PTPN21: variants seen among roughly 807,000 people sequenced by gnomAD.
The protein encoded by PTPN21 is tyrosine-protein phosphatase non-receptor type 21.
In PTPN21, 77 loss-of-function variants were observed where a neutral mutation model predicts 131.8. The observed-to-expected ratio is 0.58, with a 90% confidence interval of 0.49 to 0.71. The LOEUF is 0.71. PTPN21 is among the 30% of genes least tolerant of loss of function. The pLI, the probability that PTPN21 is intolerant of heterozygous loss-of-function variation, is 0.00. For synonymous variants in PTPN21, 715 were observed against 621.3 expected (o/e 1.15, Z -2.24); for missense variants, 1,552 against 1,527.1 (o/e 1.02, Z -0.27).
At chr14:88,503,621 T>C (rs2078045430) in intron 6 of PTPN21, among the ~76,000 whole-genome samples, 1 of 152,176 alleles carries the variant, frequency 6.6e-6, no homozygotes, top group Non-Finnish European at 1.5e-5. Flanking sequence ...ATTACAGGCT[T>C]TGTGTTAGAT....
Position 88,468,921 on chromosome 14 carries a change from T to C in PTPN21, c.3391A>G (p.Asn1131Asp), listed in dbSNP as rs2077408952. Reference protein sequence around the residue: ...SEIMIACLEHNEVLDIPRVLD... With the variant: ...SEIMIACLEHDEVLDIPRVLD... ...GTGATCATAAGCGCCATCACCTCATTGTGTTCCAGGCAGGCGATCATGATC... is the reference window on the plus strand; with the variant it reads ...GTGATCATAAGCGCCATCACCTCATCGTGTTCCAGGCAGGCGATCATGATC... Residue 1131 changes from asparagine to aspartate, a missense_variant, in exon 18 of 19, where the codon AAT becomes GAT. Around this residue, in one of 4 missense-constraint regions of PTPN21, gnomAD observed 316 missense variants for 378.5 expected, o/e 0.83. Coordinates refer to ENST00000556564, the MANE Select transcript of PTPN21 (RefSeq NM_007039.4). 1.9e-6 allele frequency: 3 copies of C among 1,613,978 alleles called. No homozygotes were observed.
chr14:88,510,431 C>CA (rs1392570909), intron 3 of PTPN21, among the ~76,000 whole-genome samples: 1 of 152,210 alleles, frequency 6.6e-6, no homozygotes, highest in African/African-American at 2.4e-5. Context: ...AGCTGGAGCT[C>CA]AGAGATTAAG....
intron 2 of PTPN21, among the ~76,000 whole-genome samples, chr14:88,548,989 A>T (rs56291476): frequency 6.6e-6 from 1 of 152,192 alleles, no homozygotes; most frequent in Admixed American, 6.5e-5. Flanking sequence ...CAGATGGAGA[A>T]CTGGGGCTCA....
chr14:88,483,662 G>A (rs933237564), intron 12 of PTPN21, among the ~76,000 whole-genome samples: 24 of 152,060 alleles, frequency 1.6e-4, no homozygotes, highest in African/African-American at 5.1e-4. Flanking sequence ...TGTGCCTGGC[G>A]TTCACTATCC....
At chr14:88,482,517 G>C (rs1229538208) in intron 12 of PTPN21, among the ~76,000 whole-genome samples, 1 of 152,010 alleles carries the variant, frequency 6.6e-6, no homozygotes, top group Non-Finnish European at 1.5e-5. Context: ...CCAGCTACTT[G>C]GGAGGCTGAG....
At chr14:88,507,870 G>T in intron 4 of PTPN21, 53 bp downstream of exon 4, 1 of 1,127,292 alleles carries the variant, frequency 8.9e-7, no homozygotes, top group Non-Finnish European at 1.3e-6. Flanking sequence ...CTATTTTGTT[G>T]TAACACATTT....
chr14:88,550,117 T>A, intron 2 of PTPN21, 121 bp downstream of exon 2: 1 of 1,010,346 alleles, frequency 9.9e-7, no homozygotes, highest in Non-Finnish European at 1.4e-6. Context: ...TTTCACCATG[T>A]TGGCCAGGCT....
rs558255616 is a variant in PTPN21 at position 88,481,317 on chromosome 14, ATTC to A, written c.1079-968_1079-966del. On this transcript the variant is annotated intron_variant, in intron 12 of 18. Coordinates refer to ENST00000556564, the MANE Select transcript of PTPN21 (RefSeq NM_007039.4). ...GAAATAGCACTCAAATCTCCATGGT[ATTC>A]TTCTGCTGACACACAGCACTTCCAT... is the stretch of plus-strand genomic sequence containing the variant. Among the ~76,000 whole-genome samples the A allele has an allele frequency of 5.9e-5, 9 of 152,298 alleles. No homozygotes were observed. In the East Asian group the frequency reaches 1.7e-3, roughly 29 times the overall value.
intron 10 of PTPN21, among the ~76,000 whole-genome samples, chr14:88,496,003 T>C (rs991263917): frequency 4.6e-5 from 7 of 152,148 alleles, no homozygotes; most frequent in Non-Finnish European, 1.5e-5. Flanking sequence ...ATTTTATATG[T>C]GCAATATCAC....
chr14:88,479,053 A>C lies in PTPN21; in HGVS notation c.2378T>G (p.Met793Arg). The C allele has an allele frequency of 2.5e-6, 4 of 1,607,268 alleles. No individual in the cohort carries two copies. The highest frequency in any genetic ancestry group is 3.4e-6 in the Non-Finnish European group (4 of 1,177,570). The change falls in exon 13 of 19, where the codon ATG (methionine) becomes AGG (arginine). Residue 793 changes from methionine (M) to arginine (R), a missense_variant. Met to Arg is a moderately conservative substitution (Grantham distance 91, BLOSUM62 -1). Around this residue, in one of 4 missense-constraint regions of PTPN21, gnomAD observed 1,016 missense variants for 883.5 expected, o/e 1.15. Transcript: ENST00000556564. The stretch of plus-strand genomic sequence containing the variant: ...GAGGTCGGACTCCGACATGGAGGGC[A>C]TCAGCAGCCCGTCTCTCCAGGGCCG... ...AQRPWRDGLL[M>R]PSMSESDLTT...
rs899352139 is a variant in PTPN21, at chr14:88,468,108, T to G, written c.*29A>C. The G allele has an allele frequency of 2.1e-5, 34 of 1,612,346 alleles. No homozygotes were observed. Among genetic ancestry groups the G allele is most frequent in the Non-Finnish European group, 2.9e-5 (34 of 1,178,646 alleles). Reference sequence around the variant, plus strand: ...TTTTTTAAGCTGTAAACGCTTCACATGACTGGCCCCGTAAGAAATTGTGGG... The same window carrying G: ...TTTTTTAAGCTGTAAACGCTTCACAGGACTGGCCCCGTAAGAAATTGTGGG... On this transcript the variant is annotated 3_prime_UTR_variant, in exon 19 of 19. Coordinates refer to ENST00000556564, the MANE Select transcript of PTPN21 (RefSeq NM_007039.4).
intron 15 of PTPN21, among the ~76,000 whole-genome samples, chr14:88,471,398 C>T (rs1258328519): frequency 6.6e-6 from 1 of 152,088 alleles, no homozygotes; most frequent in Admixed American, 6.6e-5. Flanking sequence ...ATCATTTTGT[C>T]CATTTTCATA....
chr14:88,503,168 T>C (rs1444570507), intron 6 of PTPN21, among the ~76,000 whole-genome samples: 1 of 152,040 alleles, frequency 6.6e-6, no homozygotes, highest in Non-Finnish European at 1.5e-5. Flanking sequence ...TCTGAGTAGC[T>C]GAGACTACCG....
chr14:88,538,555 T>C lies in PTPN21; in HGVS notation c.180+11683A>G, dbSNP rs534387023. On this transcript the variant is annotated intron_variant, in intron 2 of 18. Coordinates refer to ENST00000556564, the MANE Select transcript of PTPN21 (RefSeq NM_007039.4). ...TTTGCCTGACGTGAGTGCAAAAACCTATCTTAAGCAAGATAATTGTAAAAA... is the reference window on the plus strand; with the variant it reads ...TTTGCCTGACGTGAGTGCAAAAACCCATCTTAAGCAAGATAATTGTAAAAA... 2.6e-5 allele frequency among the ~76,000 whole-genome samples: 4 copies of C among 152,320 alleles called. No homozygotes were observed. The East Asian group carries it at 7.7e-4, about 29-fold the overall frequency.
intron 2 of PTPN21, among the ~76,000 whole-genome samples, chr14:88,542,790 T>C (rs2078724377): frequency 6.6e-6 from 1 of 152,196 alleles, no homozygotes; most frequent in Admixed American, 6.5e-5. Context: ...GTGTTAGACT[T>C]GGGAAAGCTT....
intron 10 of PTPN21, among the ~76,000 whole-genome samples, chr14:88,490,071 C>CT (rs2077800356): frequency 6.6e-6 from 1 of 150,468 alleles, no homozygotes; most frequent in Non-Finnish European, 1.5e-5. Flanking sequence ...TGCAGTGGTG[C>CT]GATCCTGGCT....
At chr14:88,553,311 T>C (rs1198852161) in intron 1 of PTPN21, among the ~76,000 whole-genome samples, 1 of 152,214 alleles carries the variant, frequency 6.6e-6, no homozygotes, top group Non-Finnish European at 1.5e-5. Flanking sequence ...GGCTTGCTTT[T>C]TGCTTATTTA....
intron 12 of PTPN21, among the ~76,000 whole-genome samples, chr14:88,483,576 G>T (rs186347361): frequency 3.3e-5 from 5 of 152,148 alleles, no homozygotes; most frequent in Admixed American, 3.3e-4. Context: ...GTCCCTTCAT[G>T]CATCACTCCC....
chr14:88,539,740 T>C (rs1595414701), intron 2 of PTPN21, among the ~76,000 whole-genome samples: 2 of 138,868 alleles, frequency 1.4e-5, no homozygotes, highest in South Asian at 2.4e-4. Flanking sequence ...ATTAGTTGTA[T>C]AGCATCATAC....
Sources: allele counts gnomAD v4.1 joint callset (sites outside exome capture counted in the v4.1 genomes callset), GRCh38; gene constraint gnomAD v4.1.1; regional missense constraint gnomAD v4.1.1; transcripts MANE v1.5; gene names NCBI Gene and HGNC (gene_info 2026-07-23, HGNC 2026-07-21).